DOCK1: variants seen among roughly 807,000 people sequenced by gnomAD.
DOCK1 encodes the protein dedicator of cytokinesis 1.
In DOCK1, 138 loss-of-function variants were observed where a neutral mutation model predicts 262.7. The observed-to-expected ratio is 0.53, with a 90% confidence interval of 0.46 to 0.61. The LOEUF (loss-of-function observed/expected upper bound fraction) is 0.61. Ranked by LOEUF, DOCK1 falls within the 20% of genes least tolerant of loss-of-function variation. DOCK1 has a pLI of 0.00. For synonymous variants in DOCK1, 866 were observed against 867.4 expected, an observed-to-expected ratio of 1.00 and a Z score of 0.03; for missense variants, 1,908 against 2,370.7, an observed-to-expected ratio of 0.80 and a Z score of 4.05.
intron 23 of DOCK1, among the ~76,000 whole-genome samples, chr10:127,069,922 C>T (rs1256009910): frequency 1.3e-5 from 2 of 152,118 alleles, no homozygotes; most frequent in African/African-American, 4.8e-5. Context: ...CTCTCAGAGC[C>T]TTGGAGATTA....
intron 40 of DOCK1, 46 bp from the exon 41 acceptor site, chr10:127,408,991 T>C: frequency 6.5e-7 from 1 of 1,546,766 alleles, no homozygotes; most frequent in Admixed American, 2.0e-5. Context: ...GAACTCTTCC[T>C]GGCCCTTTCT....
At chr10:126,943,094 C>CAA (rs1243398704) in intron 1 of DOCK1, among the ~76,000 whole-genome samples, 4,215 of 142,558 alleles carry the variant, frequency 0.03, 114 homozygotes, top group African/African-American at 0.066. Context: ...CTATCTCTAC[C>CAA]AAAAAAAAAA....
At chr10:127,392,584 C>T (rs1196640121) in intron 38 of DOCK1, among the ~76,000 whole-genome samples, 1 of 152,186 alleles carries the variant, frequency 6.6e-6, no homozygotes, top group Non-Finnish European at 1.5e-5. Flanking sequence ...TGAGCACATT[C>T]TGGCCAGCAC....
intron 1 of DOCK1, among the ~76,000 whole-genome samples, chr10:126,957,781 C>T (rs970925409): frequency 2.0e-5 from 3 of 152,192 alleles, no homozygotes; most frequent in Admixed American, 2.0e-4. Flanking sequence ...TGCCTGACTG[C>T]AGCCTTATTT....
At chr10:126,990,725 G>T in intron 6 of DOCK1, 122 bp downstream of exon 6, 1 of 1,236,746 alleles carries the variant, frequency 8.1e-7, no homozygotes, top group Non-Finnish European at 1.1e-6. Context: ...TCAAAGTAAT[G>T]GCATGTTTTT....
intron 1 of DOCK1, among the ~76,000 whole-genome samples, chr10:126,924,058 T>A (rs1564985625): frequency 6.6e-6 from 1 of 152,062 alleles, no homozygotes; most frequent in Non-Finnish European, 1.5e-5. Flanking sequence ...GTAGATACCA[T>A]GTGTAGAGAG....
At chr10:127,260,482 A>G (rs530847175) in intron 29 of DOCK1, among the ~76,000 whole-genome samples, 2 of 152,326 alleles carry the variant, frequency 1.3e-5, no homozygotes, top group Non-Finnish European at 1.5e-5. Flanking sequence ...TGTTATCCTG[A>G]ACCTTCTAAT....
At chr10:127,383,544 G>A in intron 37 of DOCK1, among the ~76,000 whole-genome samples, 1 of 152,190 alleles carries the variant, frequency 6.6e-6, no homozygotes, top group East Asian at 1.9e-4. Context: ...TCTCACTCTT[G>A]CCTGACCTTT....
intron 29 of DOCK1, among the ~76,000 whole-genome samples, chr10:127,300,212 G>A (rs989888089): frequency 6.6e-6 from 1 of 152,176 alleles, no homozygotes; most frequent in African/African-American, 2.4e-5. Flanking sequence ...CTTGGGAATT[G>A]CCGCCTAGAG....
chr10:126,909,709 G>A (rs1455516911), intron 1 of DOCK1, among the ~76,000 whole-genome samples: 1 of 152,174 alleles, frequency 6.6e-6, no homozygotes, highest in African/African-American at 2.4e-5. Context: ...AACCAAGCCT[G>A]CTTGCTGCCG....
At chr10:127,093,198 T>TTTTC (rs71490109) in intron 23 of DOCK1, among the ~76,000 whole-genome samples, 34 of 92,452 alleles carry the variant, frequency 3.7e-4, no homozygotes, top group East Asian at 2.9e-3. Context: ...TCCCTCTCCT[T>TTTTC]TTTCTTTCTT....
At chr10:126,930,166 G>C (rs950890045) in intron 1 of DOCK1, among the ~76,000 whole-genome samples, 89 of 152,354 alleles carry the variant, frequency 5.8e-4, no homozygotes, top group African/African-American at 2.0e-3. Context: ...GCATTCTGCT[G>C]TATGAGTAGA....
At chr10:127,380,031 A>G (rs2065740707) in intron 35 of DOCK1, 51 bp from the exon 36 acceptor site, 2 of 1,262,110 alleles carry the variant, frequency 1.6e-6, no homozygotes, top group Non-Finnish European at 1.1e-6. Context: ...TGCATGTGAT[A>G]CCTTTTGTGG....
At chr10:127,229,566 C>T (rs2058764799) in intron 27 of DOCK1, among the ~76,000 whole-genome samples, 1 of 152,078 alleles carries the variant, frequency 6.6e-6, no homozygotes, top group African/African-American at 2.4e-5. Context: ...GATGGTATTT[C>T]CACCTTTTTT....
chr10:127,047,159 A>T (rs1395306504), intron 21 of DOCK1, among the ~76,000 whole-genome samples: 1 of 150,014 alleles, frequency 6.7e-6, no homozygotes, highest in East Asian at 2.0e-4. Flanking sequence ...TTGTTCTTTT[A>T]TTATGTGTAA....
intron 10 of DOCK1, among the ~76,000 whole-genome samples, chr10:127,002,437 T>C (rs527273023): frequency 6.6e-6 from 1 of 152,366 alleles, no homozygotes; most frequent in South Asian, 2.1e-4. Flanking sequence ...TTTTTCAGTT[T>C]TCATTGGGTT....
At chr10:127,208,578 CAAT>C (rs1163010555) in intron 27 of DOCK1, among the ~76,000 whole-genome samples, 1 of 151,944 alleles carries the variant, frequency 6.6e-6, no homozygotes, top group African/African-American at 2.4e-5. Context: ...AAATAAAAAT[CAAT>C]AATCAGTTGG....
chr10:127,097,948 G>A (rs1264567451), intron 23 of DOCK1, among the ~76,000 whole-genome samples: 3 of 152,182 alleles, frequency 2.0e-5, no homozygotes, highest in East Asian at 3.9e-4. Flanking sequence ...GGGAGCATAA[G>A]TGGGCCTCAC....
At chr10:127,442,810 G>A (rs1047027932) in intron 49 of DOCK1, among the ~76,000 whole-genome samples, 3 of 152,198 alleles carry the variant, frequency 2.0e-5, no homozygotes, top group South Asian at 2.1e-4. Context: ...GTTCTTGACC[G>A]CACGGATGTT....
Sources: gnomAD v4.1 joint callset for allele counts (sites outside exome capture counted in the v4.1 genomes callset) on GRCh38, gnomAD v4.1.1 for gene constraint, MANE v1.5 for transcripts, NCBI Gene and HGNC (gene_info 2026-07-23, HGNC 2026-07-21) for gene names.